Variants in SCML2 observed in about 807,000 individuals in gnomAD.
The protein encoded by SCML2 is Scm polycomb group protein like 2.
In SCML2, 6 loss-of-function variants were observed where a neutral mutation model predicts 48.4. The ratio of observed to expected loss-of-function variants is 0.12; its 90% confidence interval spans 0.07 to 0.24. SCML2 has a LOEUF of 0.24. SCML2 is among the 10% of genes least tolerant of loss of function. The probability of loss-of-function intolerance (pLI) is 1.00; values close to 1 mark genes in which losing one functional copy is unlikely to be tolerated. For synonymous variants in SCML2, 181 were observed against 189.5 expected (o/e 0.95, Z 0.37); for missense variants, 377 against 528.2 (o/e 0.71, Z 2.81).
intron 6 of SCML2, among the ~76,000 whole-genome samples, chrX:18,319,232 AAC>A (rs1929227288): frequency 9.0e-6 from 1 of 111,134 alleles, no homozygotes; most frequent in South Asian, 3.8e-4. Flanking sequence ...CTCTACTAAA[AAC>A]ACAAAAATTA....
chrX:18,257,861 C>G (rs2147472981), intron 10 of SCML2, among the ~76,000 whole-genome samples, 183 bp downstream of exon 10: 1 of 90,806 alleles, frequency 1.1e-5, no homozygotes, highest in South Asian at 6.4e-4. Flanking sequence ...GCACTCCAGC[C>G]TGGGTGACAG....
At chrX:18,251,444 C>T (rs139688877) in intron 11 of SCML2, among the ~76,000 whole-genome samples, 2,765 of 106,859 alleles carry the variant, frequency 0.026, 102 homozygotes, top group African/African-American at 0.091. Context: ...TATGACTCAA[C>T]AATAAAAAGA....
At chrX:18,247,008 T>C (rs1926471723) in intron 12 of SCML2, among the ~76,000 whole-genome samples, 180 bp from the exon 13 acceptor site, 1 of 111,866 alleles carries the variant, frequency 8.9e-6, no homozygotes, top group Admixed American at 9.5e-5. Context: ...CACTGATTGA[T>C]TGAGACAAAG....
chrX:18,257,688 G>A (rs755992291), intron 10 of SCML2, among the ~76,000 whole-genome samples: 75 of 109,077 alleles, frequency 6.9e-4, no homozygotes, highest in African/African-American at 2.3e-3. Flanking sequence ...AGGAGTTCAC[G>A]ACTAGCCTGG....
chrX:18,349,931 A>G (rs1024284903), intron 1 of SCML2, among the ~76,000 whole-genome samples: 5 of 112,082 alleles, frequency 4.5e-5, no homozygotes, highest in Non-Finnish European at 9.4e-5. Flanking sequence ...CACATTTCAA[A>G]TCTTGATAGC....
intron 11 of SCML2, among the ~76,000 whole-genome samples, chrX:18,249,596 C>T (rs1429619547): frequency 9.0e-6 from 1 of 111,516 alleles, no homozygotes; most frequent in African/African-American, 3.3e-5. Flanking sequence ...TATTACCAGT[C>T]AGGGCTAACA....
At chrX:18,342,386 T>C (rs1405114622) in intron 1 of SCML2, among the ~76,000 whole-genome samples, 1 of 110,492 alleles carries the variant, frequency 9.1e-6, no homozygotes, top group Non-Finnish European at 1.9e-5. Context: ...TAGTATTTCA[T>C]AGCGCCTGAC....
chrX:18,295,442 C>T (rs1451376287), intron 7 of SCML2, among the ~76,000 whole-genome samples: 4 of 112,338 alleles, frequency 3.6e-5, no homozygotes, highest in Admixed American at 9.4e-5. Context: ...CACCCACTGG[C>T]ACATACCCGT....
Position 18,288,011 on chromosome X carries a change from A to G in SCML2, c.730+16961T>C, listed in dbSNP as rs907761317. Among the ~76,000 whole-genome samples the G allele has an allele frequency of 2.7e-5, 3 of 111,736 alleles. No homozygotes were observed. The East Asian group carries it at 8.4e-4, about 31-fold the overall frequency. Reference sequence around the variant, plus strand: ...CATTATTAAAAATATGATAATCTCCATAGCTTTTAATATTTTCAGAAGAAA... The same window carrying G: ...CATTATTAAAAATATGATAATCTCCGTAGCTTTTAATATTTTCAGAAGAAA... On this transcript the variant is annotated intron_variant, in intron 7 of 14. Coordinates refer to ENST00000251900, the MANE Select transcript of SCML2 (RefSeq NM_006089.3).
At chrX:18,264,080 C>T (rs979310216) in intron 8 of SCML2, among the ~76,000 whole-genome samples, 1 of 111,517 alleles carries the variant, frequency 9.0e-6, no homozygotes, top group African/African-American at 3.3e-5. Flanking sequence ...TCTTTCATGA[C>T]ATTTGGAAAA....
At chrX:18,308,359 G>A (rs1286585802) in intron 6 of SCML2, among the ~76,000 whole-genome samples, 1 of 87,766 alleles carries the variant, frequency 1.1e-5, no homozygotes, top group Non-Finnish European at 2.3e-5. Context: ...AAAGGACAGG[G>A]AGGGAGGGAG....
chrX:18,305,329 C>G, intron 6 of SCML2, 114 bp from the exon 7 acceptor site: 3 of 667,229 alleles, frequency 4.5e-6, no homozygotes, highest in Non-Finnish European at 6.7e-6. Flanking sequence ...AAAAATTAAG[C>G]TCCATGTTTA....
At chrX:18,255,041 T>TGGCC (rs1926791401) in intron 11 of SCML2, among the ~76,000 whole-genome samples, 1 of 111,206 alleles carries the variant, frequency 9.0e-6, no homozygotes, top group Non-Finnish European at 1.9e-5. Context: ...CCCACACAGG[T>TGGCC]GGCCCTTCCC....
chrX:18,336,096 T>C (rs1929802819), intron 1 of SCML2, among the ~76,000 whole-genome samples: 1 of 111,756 alleles, frequency 8.9e-6, no homozygotes, highest in African/African-American at 3.3e-5. Flanking sequence ...GGTCAATTGA[T>C]TTTCAACTCA....
chrX:18,257,169 A>G (rs1926878518), intron 10 of SCML2, 139 bp from the exon 11 acceptor site: 1 of 383,496 alleles, frequency 2.6e-6, no homozygotes, highest in Non-Finnish European at 4.3e-6. Context: ...GAATGATCTT[A>G]TATTATAAAA....
intron 6 of SCML2, among the ~76,000 whole-genome samples, chrX:18,317,810 GGCGACAGAGCGAGACTCCGTC>G (rs1929176350): frequency 9.9e-6 from 1 of 100,950 alleles, no homozygotes; most frequent in African/African-American, 3.7e-5. Flanking sequence ...CTCCAGCCTG[GGCGACAGAGCGAGACTCCGTC>G]TCAAAAAAAA....
intron 3 of SCML2, among the ~76,000 whole-genome samples, chrX:18,329,971 G>A (rs1284179950): frequency 2.7e-5 from 3 of 111,861 alleles, no homozygotes; most frequent in South Asian, 7.5e-4. Context: ...CCAGCTACTC[G>A]GGAGGCTGAG....
intron 7 of SCML2, among the ~76,000 whole-genome samples, chrX:18,284,214 T>A (rs1311745421): frequency 4.4e-5 from 5 of 112,483 alleles, no homozygotes; most frequent in Non-Finnish European, 7.5e-5. Flanking sequence ...GCTAGCCATA[T>A]GCAGAAGAAT....
intron 7 of SCML2, among the ~76,000 whole-genome samples, chrX:18,286,641 C>T (rs779136365): frequency 8.8e-4 from 98 of 111,278 alleles, no homozygotes; most frequent in Middle Eastern, 4.6e-3. Flanking sequence ...AGTCAGACAT[C>T]CCTCCCACAC....
Sources: gnomAD v4.1 joint callset for allele counts (sites outside exome capture counted in the v4.1 genomes callset) on GRCh38, gnomAD v4.1.1 for gene constraint, MANE v1.5 for transcripts, NCBI Gene and HGNC (gene_info 2026-07-23, HGNC 2026-07-21) for gene names.